FGD5: variants seen among roughly 807,000 people sequenced by gnomAD.
The protein encoded by FGD5 is FYVE, RhoGEF and PH domain containing 5, also known as FYVE, RhoGEF and PH domain-containing protein 5.
Under a neutral mutation model 133.4 loss-of-function variants are expected in FGD5, and 28 were observed. The observed-to-expected ratio is 0.21, with a 90% CI of 0.16 to 0.29. The LOEUF (loss-of-function observed/expected upper bound fraction) is 0.29. Ranked by LOEUF, FGD5 falls within the 10% of genes least tolerant of loss-of-function variation. FGD5 has a pLI of 1.00. For missense variants in FGD5, 1,858 were observed against 1,895.2 expected (o/e 0.98, Z 0.36); for synonymous variants, 810 against 776.5 (o/e 1.04, Z -0.72).
At chr3:14,886,089 G>A (rs1490072659) in intron 4 of FGD5, among the ~76,000 whole-genome samples, 4 of 152,300 alleles carry the variant, frequency 2.6e-5, no homozygotes, top group Middle Eastern at 6.8e-3. Context: ...GCAACTCCAC[G>A]CAGTCTCAGG....
In FGD5 at chr3:14,820,701, T is replaced by G; in HGVS notation, c.1630T>G (p.Phe544Val). 1 of 1,593,878 alleles carries G rather than the reference T, an allele frequency of 6.3e-7. No homozygotes were observed. Among genetic ancestry groups the G allele is most frequent in the Non-Finnish European group, 8.5e-7 (1 of 1,172,126 alleles). Residue 544 changes from phenylalanine (F) to valine (V), a missense_variant, in exon 1 of 20, where the codon TTT (phenylalanine) becomes GTT (valine). Physicochemically the swap from Phe to Val is conservative, Grantham distance 50 (BLOSUM62 -1). Around this residue, in one of 3 missense-constraint regions of FGD5, gnomAD observed 1,824 missense variants for 1,848.9 expected, o/e 0.99. Transcript: ENST00000285046. Reference protein sequence around the residue: ...SRALPAKPRAFTLYPRSFSVE... With the variant: ...SRALPAKPRAVTLYPRSFSVE... ...GGCCTTGCCAGCAAAGCCCAGGGCC[T>G]TTACTTTATACCCTCGGTCGTTCTC... is the stretch of plus-strand genomic sequence containing the variant.
rs1429659528 is a variant in FGD5, at chr3:14,844,213, AAAAAATATATATATATATAT to A, written c.2526-19913_2526-19894del. Among the ~76,000 whole-genome samples, 18 of 32,646 alleles carry A rather than the reference AAAAAATATATATATATATAT, an allele frequency of 5.5e-4. 2 individuals carry two copies. Among genetic ancestry groups the A allele is most frequent in the East Asian group, 5.0e-3 (6 of 1,202 alleles). 21.4% of individuals were successfully genotyped at this position (32,646 alleles called of 152,430 possible). A position where few individuals can be genotyped will look rare whatever the true frequency, so the allele number is the denominator to read the frequency against. ...ACATCTTAATAGGCATTAAAAAAAA[AAAAAATATATATATATATAT>A]ATATATATATATATATATATATATA... is the stretch of plus-strand genomic sequence containing the variant. On this transcript the variant is annotated intron_variant, in intron 1 of 19. Transcript: ENST00000285046.
At chr3:14,840,192 C>T (rs535123472) in intron 1 of FGD5, among the ~76,000 whole-genome samples, 31 of 151,370 alleles carry the variant, frequency 2.0e-4, no homozygotes, top group African/African-American at 6.6e-4. Context: ...GCCCAGGATA[C>T]AGTGTGCAGT....
At chr3:14,844,217 A>AAAAAAT (rs1559477363) in intron 1 of FGD5, among the ~76,000 whole-genome samples, 9 of 20,372 alleles carry the variant, frequency 4.4e-4, no homozygotes, top group Non-Finnish European at 5.9e-4. Context: ...AAAAAAAAAA[A>AAAAAAT]ATATATATAT....
intron 18 of FGD5, chr3:14,931,319 G>A (rs551135957): frequency 6.6e-6 from 1 of 152,234 alleles, no homozygotes; most frequent in South Asian, 2.1e-4. Context: ...AGCAATCCTT[G>A]AGAATTGATT....
intron 13 of FGD5, among the ~76,000 whole-genome samples, chr3:14,920,077 C>T (rs2038644886): frequency 6.6e-6 from 1 of 152,056 alleles, no homozygotes; most frequent in African/African-American, 2.4e-5. Context: ...CCTTAAAGAG[C>T]ATCCCCTTTT....
intron 11 of FGD5, among the ~76,000 whole-genome samples, chr3:14,913,754 C>G (rs2038496560): frequency 6.6e-6 from 1 of 152,170 alleles, no homozygotes; most frequent in Non-Finnish European, 1.5e-5. Context: ...TCTGTCCTCA[C>G]CTCGTCCTCC....
intron 9 of FGD5, among the ~76,000 whole-genome samples, chr3:14,903,618 C>T (rs1351944334): frequency 6.6e-6 from 1 of 150,812 alleles, no homozygotes; most frequent in Non-Finnish European, 1.5e-5. Flanking sequence ...GTTTTTTGTT[C>T]TTGCGATAGT....
At chr3:14,836,345 C>T (rs765715421) in intron 1 of FGD5, among the ~76,000 whole-genome samples, 6 of 152,166 alleles carry the variant, frequency 3.9e-5, no homozygotes, top group Admixed American at 2.6e-4. Context: ...GGCTGGAGGC[C>T]AGAGGTCAAG....
rs1315544577 is a variant in FGD5 at position 14,818,976 on chromosome 3, G to A, written c.-96G>A. ...TCTAGATTCACCAAAACCACCTGTC[G>A]CTCCCAAGCCAAAGACTACCAGTCC... On this transcript the variant is annotated 5_prime_UTR_variant, in exon 1 of 20. Coordinates refer to ENST00000285046, the MANE Select transcript of FGD5 (RefSeq NM_152536.4). 14 of 1,444,690 alleles carry A rather than the reference G, an allele frequency of 9.7e-6. No individual in the cohort carries two copies. The highest frequency in any genetic ancestry group is 4.5e-5 in the South Asian group (3 of 67,104). The allele number at this position is 1,444,690 out of a possible 1,614,324, so 89.5% of individuals were successfully genotyped here.
At chr3:14,926,302 C>T in intron 18 of FGD5, 104 bp downstream of exon 18, 1 of 1,478,214 alleles carries the variant, frequency 6.8e-7, no homozygotes, top group South Asian at 1.2e-5. Context: ...GTCCTGGCTG[C>T]TGAGCCAGTT....
At chr3:14,857,933 A>G (rs78905555) in intron 1 of FGD5, among the ~76,000 whole-genome samples, 4 of 144,436 alleles carry the variant, frequency 2.8e-5, no homozygotes, top group Admixed American at 6.9e-5. Context: ...ATGAAACTGG[A>G]AAAAAAAAAA....
chr3:14,919,027 C>G (rs982742531), intron 13 of FGD5, among the ~76,000 whole-genome samples, 194 bp downstream of exon 13: 3 of 151,980 alleles, frequency 2.0e-5, no homozygotes, highest in Admixed American at 6.5e-5. Flanking sequence ...TTTTCTCCCC[C>G]CAAAAAATGT....
intron 1 of FGD5, among the ~76,000 whole-genome samples, chr3:14,863,486 G>A (rs1325987300): frequency 6.6e-6 from 1 of 152,164 alleles, no homozygotes; most frequent in South Asian, 2.1e-4. Context: ...AATATGTGCT[G>A]ACTGCTATGT....
intron 9 of FGD5, among the ~76,000 whole-genome samples, chr3:14,906,266 G>A (rs1290726576): frequency 2.0e-5 from 3 of 152,306 alleles, no homozygotes; most frequent in Non-Finnish European, 2.9e-5. Context: ...CCTGTGAGCC[G>A]GGCTCTCACA....
chr3:14,860,696 G>A (rs577529780), intron 1 of FGD5, among the ~76,000 whole-genome samples: 31 of 152,208 alleles, frequency 2.0e-4, no homozygotes, highest in African/African-American at 7.0e-4. Flanking sequence ...AAAAGGGTCC[G>A]GGTGTGGTGG....
chr3:14,864,211 G>C lies in FGD5; in HGVS notation c.2609G>C (p.Ser870Thr), dbSNP rs1227691175. Residue 870 changes from serine (S) to threonine (T), a missense_variant, in exon 2 of 20, where the codon AGC (serine) becomes ACC (threonine). Transcript: ENST00000285046. Reference sequence around the variant, plus strand: ...CTTACGTCGGATGAAGAGCAGAGAAGCTCGGAGGAGGAGGACAGTGCTTCA... The same window carrying C: ...CTTACGTCGGATGAAGAGCAGAGAACCTCGGAGGAGGAGGACAGTGCTTCA... ...EDLTSDEEQR[S>T]SEEEDSASRD... 1.2e-6 allele frequency: 2 copies of C among 1,614,042 alleles called. No individual in the cohort carries two copies. The highest frequency in any genetic ancestry group is 1.7e-6 in the Non-Finnish European group (2 of 1,179,902).
intron 1 of FGD5, among the ~76,000 whole-genome samples, chr3:14,855,057 T>C (rs1468064083): frequency 6.6e-6 from 1 of 152,230 alleles, no homozygotes; most frequent in Non-Finnish European, 1.5e-5. Context: ...GTTCCACTTT[T>C]TACGTCTATG....
Position 14,922,860 on chromosome 3 carries a change from G to A in FGD5, c.3808-186G>A, listed in dbSNP as rs958519423. 2.0e-5 allele frequency among the ~76,000 whole-genome samples: 3 copies of A among 152,146 alleles called. No individual in the cohort carries two copies. The highest frequency in any genetic ancestry group is 4.8e-5 in the African/African-American group (2 of 41,444). On this transcript the variant is annotated intron_variant, in intron 15 of 19. Transcript: ENST00000285046. This position sits in a 1 kb window ranked among gnomAD's most constrained non-coding sequence, Gnocchi z 4.1. ...CGCGGGCTCATCAGAAAAGCAGATA[G>A]GCGCTGGCTCAGAAACAAGATGAAG...
Sources: gnomAD v4.1 joint callset for allele counts (sites outside exome capture counted in the v4.1 genomes callset) on GRCh38, gnomAD v4.1.1 for gene constraint, gnomAD v4.1.1 regional missense constraint, Gnocchi (gnomAD v3.1) non-coding constraint, MANE v1.5 for transcripts, NCBI Gene and HGNC (gene_info 2026-07-23, HGNC 2026-07-21) for gene names.